The following CCDC34 variants were observed in gnomAD, a reference collection of about 807,000 sequenced individuals.
CCDC34 encodes the protein coiled-coil domain containing 34.
A neutral mutation model predicts 44.1 loss-of-function variants in CCDC34; 40 were observed. The observed-to-expected ratio is 0.91, with a 90% CI of 0.70 to 1.18. The LOEUF (loss-of-function observed/expected upper bound fraction) is 1.18. Ranked by LOEUF, CCDC34 falls within the 50% of genes most tolerant of loss-of-function variation. The pLI is 0.00. For synonymous variants in CCDC34, 159 were observed against 158.2 expected, an observed-to-expected ratio of 1.01 and a Z score of -0.04; for missense variants, 466 against 452.3, an observed-to-expected ratio of 1.03 and a Z score of -0.28.
intron 3 of CCDC34, chr11:27,350,037 A>G (rs1862483389): frequency 8.1e-7 from 1 of 1,240,700 alleles, no homozygotes; most frequent in Non-Finnish European, 1.0e-6. Context: ...TTAGATTTGC[A>G]GACTTGGAGG....
chr11:27,349,024 T>A, intron 3 of CCDC34: 2 of 984,532 alleles, frequency 2.0e-6, no homozygotes, highest in Non-Finnish European at 2.4e-6. Flanking sequence ...CTGCCACTAA[T>A]TAAAACAGTG....
At chr11:27,339,283 A>G (rs1050661725) in intron 5 of CCDC34, among the ~76,000 whole-genome samples, 4 of 152,216 alleles carry the variant, frequency 2.6e-5, no homozygotes, top group African/African-American at 9.6e-5. Flanking sequence ...CATTAGTGTT[A>G]AAACCTATGT....
rs770099200 is a variant in CCDC34, at chr11:27,338,903, T to C, written c.1040A>G (p.Gln347Arg). Residue 347 changes from glutamine (Q) to arginine (R), a missense_variant, in exon 6 of 6, where the codon CAG becomes CGG. Transcript: ENST00000328697. ...GRKSKRPVIS[Q>R]PHKSSSLVIH... is the part of the protein sequence containing the mutation. ...TACCAGAGATGATGACTTGTGTGGC[T>C]GACTTATCACAGGTCTTTTACTCTT... is the stretch of plus-strand genomic sequence containing the variant. 1 of 1,613,784 alleles carries C rather than the reference T, an allele frequency of 6.2e-7. No individual in the cohort carries two copies. The highest frequency in any genetic ancestry group is 1.3e-5 in the African/African-American group (1 of 74,920).
intron 3 of CCDC34, among the ~76,000 whole-genome samples, chr11:27,348,570 T>C (rs1417822846): frequency 2.6e-5 from 4 of 152,182 alleles, no homozygotes; most frequent in Admixed American, 2.6e-4. Context: ...ATAAATTCTT[T>C]GTGTCTGATT....
chr11:27,347,449 T>C (rs902341150), intron 3 of CCDC34, among the ~76,000 whole-genome samples: 2 of 152,084 alleles, frequency 1.3e-5, no homozygotes, highest in African/African-American at 4.8e-5. Context: ...TATCCCAAAC[T>C]GAAAACAACT....
chr11:27,360,300 T>G (rs1862643583), intron 1 of CCDC34, among the ~76,000 whole-genome samples: 2 of 152,238 alleles, frequency 1.3e-5, no homozygotes, highest in Non-Finnish European at 2.9e-5. Flanking sequence ...CTCATTATCT[T>G]GTCTGAAGCT....
At position 27,341,535 on chromosome 11, in the gene CCDC34, C is replaced by T; in HGVS notation, c.622G>A (p.Glu208Lys). The change falls in exon 4 of 6, where the codon GAA (glutamate) becomes AAA (lysine). Residue 208 changes from glutamate to lysine, a missense_variant. Coordinates refer to ENST00000328697, the MANE Select transcript of CCDC34 (RefSeq NM_030771.2). ...KKNEQKRKEREQKINKEMEEK... is the reference protein window; with the variant it reads ...KKNEQKRKERKQKINKEMEEK... ...TCCATTTCTTTATTAATTTTTTGTT[C>T]TCTTTCTTTTCTTTTCTTAAATAAA... The T allele has an allele frequency of 1.5e-6, 2 of 1,294,718 alleles. No homozygotes were observed. Among genetic ancestry groups the T allele is most frequent in the African/African-American group, 1.5e-5 (1 of 65,448 alleles). The allele number at this position is 1,294,718 out of a possible 1,614,324, so 80.2% of individuals were successfully genotyped here.
intron 3 of CCDC34, among the ~76,000 whole-genome samples, chr11:27,348,139 A>G (rs189529848): frequency 4.6e-5 from 7 of 152,280 alleles, no homozygotes; most frequent in Admixed American, 4.6e-4. Flanking sequence ...TTTGTTTCAT[A>G]CAACTAAAGG....
chr11:27,359,971 C>G (rs1862639035), intron 1 of CCDC34, among the ~76,000 whole-genome samples: 1 of 152,098 alleles, frequency 6.6e-6, no homozygotes, highest in East Asian at 1.9e-4. Flanking sequence ...TTTCAAGAGC[C>G]TGGCTTAGGG....
intron 2 of CCDC34, among the ~76,000 whole-genome samples, chr11:27,357,165 A>G (rs1178049470): frequency 1.3e-5 from 2 of 152,198 alleles, no homozygotes; most frequent in Non-Finnish European, 2.9e-5. Flanking sequence ...ATCTTCAGAC[A>G]GTGAAATTAG....
At chr11:27,353,505 A>G (rs1379773939) in intron 2 of CCDC34, among the ~76,000 whole-genome samples, 6 of 152,122 alleles carry the variant, frequency 3.9e-5, no homozygotes, top group African/African-American at 1.4e-4. Context: ...AATGACCTAT[A>G]AAACCAATAT....
chr11:27,341,618 G>A, intron 3 of CCDC34, 68 bp from the exon 4 acceptor site: 1 of 662,282 alleles, frequency 1.5e-6, no homozygotes, highest in East Asian at 3.1e-5. Context: ...AAAGACTGCT[G>A]CATTCAGCAA....
intron 5 of CCDC34, 125 bp from the exon 6 acceptor site, chr11:27,339,160 G>C: frequency 1.5e-6 from 1 of 660,702 alleles, no homozygotes; most frequent in South Asian, 1.9e-5. Flanking sequence ...AAGCCAATGT[G>C]ACTTATTTGA....
chr11:27,348,493 C>G (rs962080622), intron 3 of CCDC34, among the ~76,000 whole-genome samples: 1 of 152,072 alleles, frequency 6.6e-6, no homozygotes, highest in Non-Finnish European at 1.5e-5. Flanking sequence ...TGAGATAGAA[C>G]ATTTATTTTA....
Position 27,357,545 on chromosome 11 carries a change from CA to C in CCDC34, c.360-5del. 1 of 1,613,428 alleles carries C rather than the reference CA, an allele frequency of 6.2e-7. No homozygotes were observed. The highest frequency in any genetic ancestry group is 8.5e-7 in the Non-Finnish European group (1 of 1,179,606). On this transcript the variant is annotated splice_region_variant and splice_polypyrimidine_tract_variant and intron_variant, in intron 1 of 5. Transcript: ENST00000328697. ...ATTTTCTGATTCAACCTGAGTGCTA[CA>C]AAAGAGAGGCTACTATAGTACTTGT...
At chr11:27,362,549 T>C (rs978046299) in intron 1 of CCDC34, among the ~76,000 whole-genome samples, 3 of 152,170 alleles carry the variant, frequency 2.0e-5, no homozygotes, top group Non-Finnish European at 1.5e-5. Flanking sequence ...ACGCCTGAAA[T>C]GGTAGCAGAG....
chr11:27,340,953 T>C, intron 4 of CCDC34, 116 bp from the exon 5 acceptor site: 1 of 800,172 alleles, frequency 1.2e-6, no homozygotes, highest in South Asian at 1.9e-5. Context: ...TTACTGGCCA[T>C]AATACTGAAT....
intron 3 of CCDC34, among the ~76,000 whole-genome samples, chr11:27,345,203 G>A (rs921890427): frequency 2.0e-5 from 3 of 152,104 alleles, no homozygotes; most frequent in Admixed American, 2.0e-4. Flanking sequence ...TAGACATACA[G>A]GTAAAGCTAA....
chr11:27,347,482 C>G (rs978200100), intron 3 of CCDC34, among the ~76,000 whole-genome samples: 2 of 151,956 alleles, frequency 1.3e-5, no homozygotes, highest in South Asian at 4.2e-4. Context: ...AACTAGTGAA[C>G]AGATAAACAA....
Sources: gnomAD v4.1 joint callset for allele counts (sites outside exome capture counted in the v4.1 genomes callset) on GRCh38, gnomAD v4.1.1 for gene constraint, MANE v1.5 for transcripts, NCBI Gene and HGNC (gene_info 2026-07-23, HGNC 2026-07-21) for gene names.